The following CELF2 variants were observed in gnomAD, a reference collection of about 807,000 sequenced individuals.
CELF2 encodes CUGBP Elav-like family member 2.
A neutral mutation model predicts 62.6 loss-of-function variants in CELF2; 8 were observed. That is an observed-to-expected ratio of 0.13 (90% CI 0.07 to 0.23). The LOEUF is 0.23. Among genes scored for constraint, CELF2 ranks in the 10% least tolerant of loss-of-function variants. The probability of loss-of-function intolerance (pLI) is 1.00; values close to 1 mark genes in which losing one functional copy is unlikely to be tolerated. For synonymous variants in CELF2, 258 were observed against 250.0 expected, an observed-to-expected ratio of 1.03 and a Z score of -0.30; for missense variants, 333 against 671.0, an observed-to-expected ratio of 0.50 and a Z score of 5.56.
At chr10:11,231,690 CTTTT>C (rs369230271) in intron 3 of CELF2, among the ~76,000 whole-genome samples, 2 of 131,274 alleles carry the variant, frequency 1.5e-5, no homozygotes, top group Non-Finnish European at 3.3e-5. Flanking sequence ...TGGTTGCTTT[CTTTT>C]TTTTTTTTTT....
At chr10:11,278,976 T>G (rs1416802409) in intron 8 of CELF2, among the ~76,000 whole-genome samples, 1 of 152,194 alleles carries the variant, frequency 6.6e-6, no homozygotes, top group Non-Finnish European at 1.5e-5. Flanking sequence ...CCGTGCTCTG[T>G]GTCTCAGCCC....
At chr10:10,641,180 A>C in the CELF2 span, among the ~76,000 whole-genome samples, 2 of 152,156 alleles carry the variant, frequency 1.3e-5, no homozygotes, top group Non-Finnish European at 2.9e-5. Context: ...AGAAGGCAGC[A>C]TACGGTTGTG....
chr10:11,262,239 A>G (rs931158011), intron 5 of CELF2, among the ~76,000 whole-genome samples: 1 of 152,148 alleles, frequency 6.6e-6, no homozygotes, highest in African/African-American at 2.4e-5. Context: ...GGTTTTTGTC[A>G]TATCTGATCA....
chr10:10,694,267 G>A, the CELF2 span, among the ~76,000 whole-genome samples: 6 of 151,986 alleles, frequency 3.9e-5, no homozygotes, highest in African/African-American at 1.5e-4. Flanking sequence ...ATTTCGTTGT[G>A]TACCCAGTAG....
chr10:11,167,932 G>A (rs966894235), intron 2 of CELF2, among the ~76,000 whole-genome samples: 1 of 152,188 alleles, frequency 6.6e-6, no homozygotes, highest in African/African-American at 2.4e-5. Flanking sequence ...GCTGTTAAGT[G>A]ACAGAGTGGA....
chr10:10,930,360 C>T (rs1348439256), intron 2 of CELF2, among the ~76,000 whole-genome samples: 1 of 152,108 alleles, frequency 6.6e-6, no homozygotes, highest in Non-Finnish European at 1.5e-5. Flanking sequence ...TAAAGCCCTG[C>T]CCTAATTTTT....
intron 2 of CELF2, among the ~76,000 whole-genome samples, chr10:11,204,806 G>A (rs1324081210): frequency 1.3e-5 from 2 of 152,202 alleles, no homozygotes; most frequent in African/African-American, 2.4e-5. Context: ...TCATCGCAGC[G>A]TTTAGGACAT....
rs2046682045 is a variant in CELF2, at chr10:10,938,670, C to T, written c.89+18671C>T. Reference sequence around the variant, plus strand: ...TGAGTTTGTAGGTTCACTGAATTTCCCCAAAGAAGATCCTGAGACAAGAAT... The same window carrying T: ...TGAGTTTGTAGGTTCACTGAATTTCTCCAAAGAAGATCCTGAGACAAGAAT... On this transcript the variant is annotated intron_variant, in intron 2 of 13. Transcript: ENST00000636488. The surrounding 1 kb of genome is among the most constrained non-coding windows in gnomAD (Gnocchi z 4.2). Among the ~76,000 whole-genome samples the T allele has an allele frequency of 6.6e-6, 1 of 151,738 alleles. No homozygotes were observed. Among genetic ancestry groups the T allele is most frequent in the African/African-American group, 2.4e-5 (1 of 41,254 alleles).
intron 2 of CELF2, among the ~76,000 whole-genome samples, chr10:10,926,113 T>C (rs2065432550): frequency 6.6e-6 from 1 of 152,150 alleles, no homozygotes; most frequent in Non-Finnish European, 1.5e-5. Context: ...GAGTTTGTAG[T>C]TATGGTTCAA....
At position 11,233,774 on chromosome 10, in the gene CELF2, C is replaced by T. The variant is rs186127066; in HGVS notation, c.355-15379C>T. On this transcript the variant is annotated intron_variant, in intron 3 of 12. Coordinates refer to ENST00000633077, the MANE Select transcript of CELF2 (RefSeq NM_001326342.2). ...CTTAATGGCACCTCTAGAATTGCTC[C>T]GTCTTTATCAAGTTGGGACTCACCA... Among the ~76,000 whole-genome samples, 384 of 152,294 alleles carry T rather than the reference C, an allele frequency of 2.5e-3. 3 individuals are homozygous for T. The highest frequency in any genetic ancestry group is 8.5e-3 in the African/African-American group (353 of 41,556).
At chr10:10,732,239 A>G in the CELF2 span, among the ~76,000 whole-genome samples, 3 of 152,198 alleles carry the variant, frequency 2.0e-5, no homozygotes, top group Non-Finnish European at 4.4e-5. Flanking sequence ...TCATTTTAAT[A>G]GTAAAAAAAC....
rs777356910 is a variant in CELF2 at position 11,223,688 on chromosome 10, G to A, written c.354+6181G>A. Among the ~76,000 whole-genome samples, 7 of 152,158 alleles carry A rather than the reference G, an allele frequency of 4.6e-5. No individual in the cohort carries two copies. The highest frequency in any genetic ancestry group is 1.3e-4 in the Admixed American group (2 of 15,284). The stretch of plus-strand genomic sequence containing the variant: ...CTCCCTTCCCCCTGCAGGAGTCACA[G>A]CAGTATGAAAGGGGTAGGGGCAGAG... On this transcript the variant is annotated intron_variant, in intron 3 of 12. Coordinates refer to ENST00000633077, the MANE Select transcript of CELF2 (RefSeq NM_001326342.2). This position sits in a 1 kb window ranked among gnomAD's most constrained non-coding sequence, Gnocchi z 5.1.
chr10:11,281,022 T>TGTGTG, intron 8 of CELF2, among the ~76,000 whole-genome samples: 1 of 88,556 alleles, frequency 1.1e-5, no homozygotes, highest in South Asian at 3.6e-4. Context: ...GTGTGTGTGT[T>TGTGTG]CAGAATGGGA....
At chr10:10,856,568 T>C (rs944950240) in intron 1 of CELF2, among the ~76,000 whole-genome samples, 1 of 152,138 alleles carries the variant, frequency 6.6e-6, no homozygotes, top group Non-Finnish European at 1.5e-5. Flanking sequence ...GAAATAATCT[T>C]CTCATTGCAT....
At chr10:10,530,495 T>C in the CELF2 span, among the ~76,000 whole-genome samples, 1 of 152,222 alleles carries the variant, frequency 6.6e-6, no homozygotes, top group Non-Finnish European at 1.5e-5. Context: ...TAGGAATGCC[T>C]AACTTTCTGG....
the CELF2 span, among the ~76,000 whole-genome samples, chr10:10,721,941 G>T: frequency 6.6e-6 from 1 of 152,158 alleles, no homozygotes; most frequent in Non-Finnish European, 1.5e-5. Flanking sequence ...AACCTATTAT[G>T]CCCATTTTAA....
the CELF2 span, among the ~76,000 whole-genome samples, chr10:10,723,972 A>G: frequency 7.2e-5 from 11 of 152,156 alleles, no homozygotes; most frequent in East Asian, 5.8e-4. Context: ...CTTTCATATC[A>G]ATACGTTAAA....
intron 3 of CELF2, among the ~76,000 whole-genome samples, chr10:11,222,850 G>T (rs758489375): frequency 6.6e-6 from 1 of 152,166 alleles, no homozygotes; most frequent in African/African-American, 2.4e-5. Context: ...ATGTAGATAC[G>T]TTATCACATG....
the CELF2 span, among the ~76,000 whole-genome samples, chr10:10,543,434 T>A: frequency 6.6e-6 from 1 of 152,214 alleles, no homozygotes; most frequent in Non-Finnish European, 1.5e-5. Flanking sequence ...CAGAGGCCTG[T>A]CAACTTTAAT....
Sources: allele counts gnomAD v4.1 joint callset (sites outside exome capture counted in the v4.1 genomes callset), GRCh38; gene constraint gnomAD v4.1.1; non-coding constraint Gnocchi (gnomAD v3.1); transcripts MANE v1.5; gene names NCBI Gene and HGNC (gene_info 2026-07-23, HGNC 2026-07-21).